Variants in SOBP observed in about 807,000 individuals in gnomAD.
SOBP encodes the protein sine oculis binding protein homolog.
A neutral mutation model predicts 53.6 loss-of-function variants in SOBP; 4 were observed. The ratio of observed to expected loss-of-function variants is 0.07; its 90% confidence interval spans 0.04 to 0.17. The LOEUF is 0.17. Among genes scored for constraint, SOBP ranks in the 10% least tolerant of loss-of-function variants. The pLI is 1.00. For synonymous variants in SOBP, 584 were observed against 522.6 expected (o/e 1.12, Z -1.60); for missense variants, 1,088 against 1,204.7 (o/e 0.90, Z 1.43).
chr6:107,600,511 A>AT (rs1554186227), intron 5 of SOBP, among the ~76,000 whole-genome samples: 2 of 152,042 alleles, frequency 1.3e-5, no homozygotes, highest in Non-Finnish European at 2.9e-5. Flanking sequence ...CAGGTTAAAA[A>AT]ATATATATGT....
At chr6:107,531,077 T>C (rs1783810312) in intron 3 of SOBP, among the ~76,000 whole-genome samples, 1 of 152,252 alleles carries the variant, frequency 6.6e-6, no homozygotes, top group Admixed American at 6.5e-5. Flanking sequence ...GCGCCTGGCC[T>C]TGTGAATAGC....
At chr6:107,531,834 A>G (rs894751323) in intron 3 of SOBP, among the ~76,000 whole-genome samples, 1 of 152,212 alleles carries the variant, frequency 6.6e-6, no homozygotes, top group African/African-American at 2.4e-5. Context: ...GTGAAATACT[A>G]AAAGGTCATT....
chr6:107,654,431 CCT>C, intron 6 of SOBP, among the ~76,000 whole-genome samples: 1 of 152,294 alleles, frequency 6.6e-6, no homozygotes, highest in South Asian at 2.1e-4. Context: ...ATTCCACAAA[CCT>C]CTGCCATAGA....
Position 107,634,645 on chromosome 6 carries a change from T to C in SOBP, c.1801T>C (p.Cys601Arg). 2 of 1,570,286 alleles carry C rather than the reference T, an allele frequency of 1.3e-6. No individual in the cohort carries two copies. The highest frequency in any genetic ancestry group is 1.7e-6 in the Non-Finnish European group (2 of 1,164,554). The stretch of plus-strand genomic sequence containing the variant: ...CAAGTCCGCGGACTCGCCCCCCGGC[T>C]GCTCGGGCCAGGCCCTGAGCCTGGC... Reference protein sequence around the residue: ...SSKSADSPPGCSGQALSLAPT... With the variant: ...SSKSADSPPGRSGQALSLAPT... Residue 601 changes from cysteine to arginine, a missense_variant, in exon 6 of 7, where the codon TGC (cysteine) becomes CGC (arginine). Cys to Arg is a radical substitution (Grantham distance 180, BLOSUM62 -3). Around this residue, in one of 6 missense-constraint regions of SOBP, gnomAD observed 665 missense variants for 629.7 expected, o/e 1.06. Transcript: ENST00000317357. The surrounding 1 kb of genome is among the most constrained non-coding windows in gnomAD (Gnocchi z 4.5).
At position 107,533,472 on chromosome 6, in the gene SOBP, A is replaced by G. The variant is rs757820213; in HGVS notation, c.435A>G (p.Ser145=). 5.6e-6 allele frequency: 9 copies of G among 1,614,098 alleles called. No homozygotes were observed. Among genetic ancestry groups the G allele is most frequent in the Middle Eastern group, 1.6e-4 (1 of 6,062 alleles). The change falls in exon 4 of 7, where the codon TCA becomes TCG. Residue 145 remains serine (S), a synonymous_variant. Coordinates refer to ENST00000317357, the MANE Select transcript of SOBP (RefSeq NM_018013.4). ...FIKPPAEDDV[S]NVQIMCAWCQ... The stretch of plus-strand genomic sequence containing the variant: ...CTTTTATTATAGAAGATGATGTGTC[A>G]AATGTACAAATAATGTGTGCCTGGT...
At chr6:107,513,779 A>G (rs1436439324) in intron 3 of SOBP, among the ~76,000 whole-genome samples, 2 of 152,002 alleles carry the variant, frequency 1.3e-5, no homozygotes, top group Non-Finnish European at 2.9e-5. Flanking sequence ...AGTTTTCCCA[A>G]TCACTTAGGA....
At chr6:107,632,615 G>T (rs1300538754) in intron 5 of SOBP, among the ~76,000 whole-genome samples, 1 of 152,148 alleles carries the variant, frequency 6.6e-6, no homozygotes, top group East Asian at 1.9e-4. Context: ...CAAAGTAATG[G>T]GTTCTGAAGC....
intron 4 of SOBP, among the ~76,000 whole-genome samples, chr6:107,586,792 A>T (rs1380851404): frequency 6.6e-6 from 1 of 152,204 alleles, no homozygotes; most frequent in Non-Finnish European, 1.5e-5. Context: ...GCGCACTGAA[A>T]AACTAAGGTG....
chr6:107,613,848 G>C (rs377433781), intron 5 of SOBP, among the ~76,000 whole-genome samples: 1 of 152,188 alleles, frequency 6.6e-6, no homozygotes, highest in African/African-American at 2.4e-5. Context: ...GTTTTTAACA[G>C]GGGACTCCTG....
At chr6:107,533,694 C>T (rs2114988486) in intron 4 of SOBP, 84 bp downstream of exon 4, 1 of 1,514,514 alleles carries the variant, frequency 6.6e-7, no homozygotes, top group Non-Finnish European at 9.1e-7. Context: ...TAGCGGAAAA[C>T]ACTGCGCACC....
At chr6:107,591,263 A>G (rs985758182) in intron 5 of SOBP, among the ~76,000 whole-genome samples, 1 of 152,214 alleles carries the variant, frequency 6.6e-6, no homozygotes, top group African/African-American at 2.4e-5. Context: ...TCATAAGGAT[A>G]GAAAATGATG....
At chr6:107,508,984 A>C (rs902880271) in intron 3 of SOBP, among the ~76,000 whole-genome samples, 2 of 152,222 alleles carry the variant, frequency 1.3e-5, no homozygotes, top group African/African-American at 4.8e-5. Flanking sequence ...AGGCTTTGTC[A>C]TGTACCACCC....
chr6:107,634,277 C>T lies in SOBP; in HGVS notation c.1433C>T (p.Pro478Leu). 1.3e-6 allele frequency: 2 copies of T among 1,558,620 alleles called. No individual in the cohort carries two copies. Among genetic ancestry groups the T allele is most frequent in the Non-Finnish European group, 1.7e-6 (2 of 1,158,562 alleles). The change falls in exon 6 of 7, where the codon CCG (proline) becomes CTG (leucine). Residue 478 changes from proline to leucine, a missense_variant. Pro to Leu is a moderately conservative substitution (Grantham distance 98). This residue lies in a region of SOBP where 665 missense variants were observed against 629.7 expected (regional missense o/e 1.06). Transcript: ENST00000317357. The surrounding 1 kb of genome is among the most constrained non-coding windows in gnomAD (Gnocchi z 4.5). ...GGGAACCCCCCAGGCCTGCTGCCCC[C>T]GCCGCCTCCGGGCGCCCCGCTGCCG... is the stretch of plus-strand genomic sequence containing the variant. The part of the protein sequence containing the change: ...MPGNPPGLLP[P>L]PPPGAPLPSL...
chr6:107,495,691 G>A (rs1782682789), intron 1 of SOBP, among the ~76,000 whole-genome samples: 1 of 151,970 alleles, frequency 6.6e-6, no homozygotes, highest in Admixed American at 6.6e-5. Context: ...TAAAAAACAG[G>A]GCCTTAAAAA....
intron 4 of SOBP, among the ~76,000 whole-genome samples, chr6:107,548,443 TG>T (rs1189039148): frequency 6.6e-6 from 1 of 151,848 alleles, no homozygotes; most frequent in Non-Finnish European, 1.5e-5. Context: ...AGGGTTTCAT[TG>T]TGTTAGCCAG....
intron 5 of SOBP, among the ~76,000 whole-genome samples, chr6:107,613,764 C>G (rs990883651): frequency 1.2e-4 from 18 of 152,158 alleles, no homozygotes; most frequent in African/African-American, 4.1e-4. Flanking sequence ...AGGTCTAAGT[C>G]CAAAGTTGCT....
chr6:107,525,266 A>C (rs1330660937), intron 3 of SOBP, among the ~76,000 whole-genome samples: 8 of 152,238 alleles, frequency 5.3e-5, no homozygotes, highest in Non-Finnish European at 5.9e-5. Flanking sequence ...AGAAACTTAC[A>C]AGAAGAAACT....
At chr6:107,611,182 G>A (rs1562099364) in intron 5 of SOBP, among the ~76,000 whole-genome samples, 2 of 152,236 alleles carry the variant, frequency 1.3e-5, no homozygotes, top group African/African-American at 2.4e-5. Context: ...GCGGAGGCCT[G>A]TGCCAATAAC....
chr6:107,494,955 A>G (rs1442349933), intron 1 of SOBP, among the ~76,000 whole-genome samples: 1 of 134,598 alleles, frequency 7.4e-6, no homozygotes, highest in Non-Finnish European at 1.8e-5. Context: ...CTTGATTTTA[A>G]GAGAGAGAGA....
Sources: allele counts gnomAD v4.1 joint callset (sites outside exome capture counted in the v4.1 genomes callset), GRCh38; gene constraint gnomAD v4.1.1; regional missense constraint gnomAD v4.1.1; non-coding constraint Gnocchi (gnomAD v3.1); transcripts MANE v1.5; gene names NCBI Gene and HGNC (gene_info 2026-07-23, HGNC 2026-07-21).